KCNQ5: variants seen among roughly 807,000 people sequenced by gnomAD.
KCNQ5 encodes the protein potassium voltage-gated channel subfamily Q member 5, also known as potassium voltage-gated channel subfamily KQT member 5.
A neutral mutation model predicts 98.2 loss-of-function variants in KCNQ5; 30 were observed. The ratio of observed to expected loss-of-function variants is 0.31; its 90% CI spans 0.23 to 0.41. The LOEUF (loss-of-function observed/expected upper bound fraction) is 0.41, where lower values mean the gene tolerates loss of function less well. Among genes scored for constraint, KCNQ5 ranks in the 10% least tolerant of loss-of-function variants. The pLI is 1.00. For missense variants in KCNQ5, 835 were observed against 1,182.5 expected, an observed-to-expected ratio of 0.71 and a Z score of 4.31; for synonymous variants, 458 against 449.4, an observed-to-expected ratio of 1.02 and a Z score of -0.24.
chr6:73,089,359 T>C (rs1302930058), intron 5 of KCNQ5, among the ~76,000 whole-genome samples: 3 of 151,888 alleles, frequency 2.0e-5, no homozygotes, highest in Non-Finnish European at 4.4e-5. Flanking sequence ...TTTCGTGGGG[T>C]TTTGTTTTGT....
chr6:73,163,704 C>T (rs1460572226), intron 10 of KCNQ5, among the ~76,000 whole-genome samples: 5 of 152,062 alleles, frequency 3.3e-5, no homozygotes, highest in Non-Finnish European at 5.9e-5. Flanking sequence ...GCCAAGATCG[C>T]GCCACTTCAC....
chr6:73,104,183 A>G (rs1774911381), intron 5 of KCNQ5, among the ~76,000 whole-genome samples: 1 of 152,106 alleles, frequency 6.6e-6, no homozygotes, highest in Non-Finnish European at 1.5e-5. Flanking sequence ...TGCTGACAAC[A>G]TAATCTTATA....
At chr6:72,852,660 T>TATATATATATATATATATATATATATAA (rs1232591580) in intron 1 of KCNQ5, among the ~76,000 whole-genome samples, 1 of 128,474 alleles carries the variant, frequency 7.8e-6, no homozygotes, top group African/African-American at 3.0e-5. Flanking sequence ...TATATATATA[T>TATATATATATATATATATATATATATAA]AAATGGCACT....
At position 73,194,927 on chromosome 6, in the gene KCNQ5, C is replaced by A; in HGVS notation, c.2312C>A (p.Ala771Glu). Residue 771 changes from alanine to glutamate, a missense_variant, in exon 14 of 14, where the codon GCA (alanine) becomes GAA (glutamate). By Grantham distance (107) the Ala-to-Glu change is moderately radical. Coordinates refer to ENST00000370398, the MANE Select transcript of KCNQ5 (RefSeq NM_019842.4). ...PRPETLHPNP[A>E]GLQESISDVT... ...CCAGAAACTCTGCACCCTAACCCTG[C>A]AGGCTTACAGGAAAGCATTTCTGAC... 3.1e-6 allele frequency: 5 copies of A among 1,614,186 alleles called. No individual in the cohort carries two copies. The highest frequency in any genetic ancestry group is 4.2e-6 in the Non-Finnish European group (5 of 1,180,034).
At chr6:72,941,424 C>T (rs1252967240) in intron 1 of KCNQ5, among the ~76,000 whole-genome samples, 2 of 132,636 alleles carry the variant, frequency 1.5e-5, no homozygotes, top group African/African-American at 3.1e-5. Context: ...CCCTTCTTTC[C>T]TTCCTCCTTC....
intron 1 of KCNQ5, among the ~76,000 whole-genome samples, chr6:72,827,839 T>C (rs2150120544): frequency 6.6e-6 from 1 of 152,272 alleles, no homozygotes; most frequent in South Asian, 2.1e-4. Flanking sequence ...ATATGTTTTC[T>C]CCTAGTAATT....
chr6:73,111,912 G>A (rs1157842528), intron 7 of KCNQ5, among the ~76,000 whole-genome samples: 1 of 152,176 alleles, frequency 6.6e-6, no homozygotes, highest in Non-Finnish European at 1.5e-5. Flanking sequence ...ATCCTATTTT[G>A]AGAGCTGATG....
intron 11 of KCNQ5, among the ~76,000 whole-genome samples, chr6:73,181,914 A>G (rs1562223576): frequency 1.3e-5 from 2 of 152,234 alleles, no homozygotes; most frequent in East Asian, 1.9e-4. Context: ...ATAAAGTGCT[A>G]TCTAATATTA....
chr6:73,160,436 G>T (rs1777573485), intron 10 of KCNQ5, among the ~76,000 whole-genome samples: 1 of 152,204 alleles, frequency 6.6e-6, no homozygotes, highest in South Asian at 2.1e-4. Flanking sequence ...AGAAGAGGGG[G>T]TTTTTTGATG....
At position 72,970,088 on chromosome 6, in the gene KCNQ5, A is replaced by G. The variant is rs1391037153; in HGVS notation, c.399-33820A>G. Among the ~76,000 whole-genome samples the G allele has an allele frequency of 3.3e-5, 5 of 152,046 alleles. No individual in the cohort carries two copies. The East Asian group carries it at 9.7e-4, about 29-fold the overall frequency. ...TGCTTGGGCAACATAGCAAGACCCTATCTCTAAAAAAATAAAATAAATTAG... is the reference window on the plus strand; with the variant it reads ...TGCTTGGGCAACATAGCAAGACCCTGTCTCTAAAAAAATAAAATAAATTAG... On this transcript the variant is annotated intron_variant, in intron 1 of 13. Transcript: ENST00000370398.
At chr6:73,026,899 C>T (rs1770914749) in intron 2 of KCNQ5, among the ~76,000 whole-genome samples, 1 of 151,962 alleles carries the variant, frequency 6.6e-6, no homozygotes, top group South Asian at 2.1e-4. Context: ...TGCACACATT[C>T]CATAAATGGC....
At chr6:73,068,783 A>G (rs1773179131) in intron 3 of KCNQ5, among the ~76,000 whole-genome samples, 1 of 152,162 alleles carries the variant, frequency 6.6e-6, no homozygotes, top group Non-Finnish European at 1.5e-5. Flanking sequence ...TAATAGTGTT[A>G]GGTATGAGCT....
chr6:73,042,049 C>A lies in KCNQ5; in HGVS notation c.603C>A (p.Pro201=). The A allele has an allele frequency of 1.2e-6, 2 of 1,613,838 alleles. No homozygotes were observed. Among genetic ancestry groups the A allele is most frequent in the South Asian group, 1.1e-5 (1 of 91,074 alleles). The change falls in exon 3 of 14, where the codon CCC becomes CCA. Residue 201 remains proline, a synonymous_variant. Transcript: ENST00000370398. The part of the protein sequence containing the change: ...WQGRLRFARK[P]FCVIDTIVLI... The stretch of plus-strand genomic sequence containing the variant: ...GAAGACTGAGGTTTGCTCGAAAGCC[C>A]TTCTGTGTTATAGGTGAATATCAGA...
intron 1 of KCNQ5, among the ~76,000 whole-genome samples, chr6:72,996,404 T>C (rs1282634798): frequency 6.6e-6 from 1 of 152,212 alleles, no homozygotes; most frequent in African/African-American, 2.4e-5. Context: ...GAGAGAAATT[T>C]CTCACAGGAT....
At position 72,740,262 on chromosome 6, in the gene KCNQ5, C is replaced by T. The variant is rs541256638; in HGVS notation, c.398+117675C>T. Among the ~76,000 whole-genome samples the T allele has an allele frequency of 8.5e-4, 129 of 152,288 alleles. 1 individual carries two copies. In the Middle Eastern group the frequency reaches 0.017, roughly 20 times the overall value. On this transcript the variant is annotated intron_variant, in intron 1 of 13. Transcript: ENST00000370398. ...GGAAGTAAGAGACAAATCAGAGGACCTGTTCTCAGGGAACATATGATCTAC... is the reference window on the plus strand; with the variant it reads ...GGAAGTAAGAGACAAATCAGAGGACTTGTTCTCAGGGAACATATGATCTAC...
chr6:72,879,006 T>C (rs908894956), intron 1 of KCNQ5, among the ~76,000 whole-genome samples: 1 of 152,172 alleles, frequency 6.6e-6, no homozygotes, highest in African/African-American at 2.4e-5. Flanking sequence ...AAGCATTATG[T>C]TTTCAAGAAA....
intron 1 of KCNQ5, among the ~76,000 whole-genome samples, chr6:72,716,294 A>G (rs1194599212): frequency 6.6e-6 from 1 of 152,224 alleles, no homozygotes; most frequent in Non-Finnish European, 1.5e-5. Context: ...CAAAGTGACT[A>G]TTTCATACAG....
chr6:72,858,243 TG>T (rs1777611682), intron 1 of KCNQ5, among the ~76,000 whole-genome samples: 1 of 152,172 alleles, frequency 6.6e-6, no homozygotes, highest in Non-Finnish European at 1.5e-5. Context: ...TCACAGATGC[TG>T]AGCTATGCTT....
intron 1 of KCNQ5, among the ~76,000 whole-genome samples, chr6:72,757,368 T>C (rs1772023344): frequency 1.3e-5 from 2 of 152,174 alleles, no homozygotes; most frequent in African/African-American, 4.8e-5. Flanking sequence ...CAGATGCTCC[T>C]CCATTTATGA....
Sources: gnomAD v4.1 joint callset for allele counts (sites outside exome capture counted in the v4.1 genomes callset) on GRCh38, gnomAD v4.1.1 for gene constraint, MANE v1.5 for transcripts, NCBI Gene and HGNC (gene_info 2026-07-23, HGNC 2026-07-21) for gene names.